CD200R1: variants seen among roughly 807,000 people sequenced by gnomAD.
The protein encoded by CD200R1 is cell surface glycoprotein CD200 receptor 1.
In CD200R1, 30 loss-of-function variants were observed where a neutral mutation model predicts 38.1. The ratio of observed to expected loss-of-function variants is 0.79; its 90% CI spans 0.59 to 1.07. The LOEUF (loss-of-function observed/expected upper bound fraction) is 1.07, where lower values mean the gene tolerates loss of function less well. CD200R1 is among the 50% of genes least tolerant of loss of function. CD200R1 has a pLI of 0.00. For synonymous variants in CD200R1, 128 were observed against 152.1 expected, an observed-to-expected ratio of 0.84 and a Z score of 1.16; for missense variants, 372 against 415.4, an observed-to-expected ratio of 0.90 and a Z score of 0.91.
chr3:112,950,210 A>C (rs1424142895), intron 1 of CD200R1, among the ~76,000 whole-genome samples: 3 of 152,094 alleles, frequency 2.0e-5, no homozygotes, highest in Non-Finnish European at 4.4e-5. Context: ...AGTGAGGAAG[A>C]AAGAAGATAA....
Position 112,931,182 on chromosome 3 carries a change from T to C in CD200R1, c.137-11A>G. On this transcript the variant is annotated splice_polypyrimidine_tract_variant and intron_variant, in intron 2 of 7. Transcript: ENST00000308611. Reference sequence around the variant, plus strand: ...ATAAACTGCTTGAAGCTAGAAAATATTTAGAGAAGAATAAATGAAATCAAT... The same window carrying C: ...ATAAACTGCTTGAAGCTAGAAAATACTTAGAGAAGAATAAATGAAATCAAT... The C allele has an allele frequency of 6.5e-7, 1 of 1,544,032 alleles. No homozygotes were observed. Among genetic ancestry groups the C allele is most frequent in the East Asian group, 2.2e-5 (1 of 44,536 alleles).
intron 1 of CD200R1, among the ~76,000 whole-genome samples, chr3:112,959,729 G>A (rs976711100): frequency 6.6e-6 from 1 of 151,944 alleles, no homozygotes. Flanking sequence ...ACTTCAATAA[G>A]TCTCAAAGTT....
At chr3:112,969,188 C>T (rs1933238960) in intron 1 of CD200R1, among the ~76,000 whole-genome samples, 1 of 151,780 alleles carries the variant, frequency 6.6e-6, no homozygotes, top group African/African-American at 2.4e-5. Context: ...AATATATTAA[C>T]TAGGGCTTTA....
At chr3:112,953,359 T>A (rs1941012736) in intron 1 of CD200R1, among the ~76,000 whole-genome samples, 1 of 152,224 alleles carries the variant, frequency 6.6e-6, no homozygotes. Flanking sequence ...CTTGCTAGCA[T>A]CTTGTTAAAG....
intron 1 of CD200R1, among the ~76,000 whole-genome samples, chr3:112,972,745 A>T (rs2107351464): frequency 6.6e-6 from 1 of 152,370 alleles, no homozygotes; most frequent in East Asian, 1.9e-4. Context: ...AAAAGAAAAT[A>T]GGGAAACCAA....
chr3:112,951,542 C>T (rs1243262355), intron 1 of CD200R1, among the ~76,000 whole-genome samples: 1 of 151,686 alleles, frequency 6.6e-6, no homozygotes, highest in African/African-American at 2.4e-5. Flanking sequence ...TTAAAAAACA[C>T]ATTATGAAAT....
chr3:112,948,651 G>A (rs922490373), intron 1 of CD200R1, among the ~76,000 whole-genome samples: 1 of 152,168 alleles, frequency 6.6e-6, no homozygotes, highest in Non-Finnish European at 1.5e-5. Flanking sequence ...CCTGCTGTGC[G>A]GCCCAATCCC....
At chr3:112,961,054 A>C (rs957089382) in intron 1 of CD200R1, among the ~76,000 whole-genome samples, 1 of 151,842 alleles carries the variant, frequency 6.6e-6, no homozygotes, top group Non-Finnish European at 1.5e-5. Context: ...GATGTTCAGC[A>C]AAAAAAAGAA....
intron 1 of CD200R1, among the ~76,000 whole-genome samples, chr3:112,964,749 G>A (rs988308716): frequency 4.6e-5 from 7 of 152,186 alleles, no homozygotes; most frequent in Non-Finnish European, 8.8e-5. Flanking sequence ...TGTTGGGAAG[G>A]GATGATTGGT....
At chr3:112,939,993 A>T (rs1469449278) in intron 2 of CD200R1, among the ~76,000 whole-genome samples, 4 of 152,174 alleles carry the variant, frequency 2.6e-5, no homozygotes, top group Middle Eastern at 3.4e-3. Flanking sequence ...ATGGAACAGC[A>T]TAGAGAACCC....
At chr3:112,931,584 T>G (rs7622814) in intron 2 of CD200R1, among the ~76,000 whole-genome samples, 89,390 of 151,968 alleles carry the variant, frequency 0.59, 26,697 homozygotes, top group African/African-American at 0.7. Context: ...TCACCCAGGT[T>G]AATACAGCAG....
At chr3:112,950,023 T>C (rs764055645) in intron 1 of CD200R1, among the ~76,000 whole-genome samples, 2 of 152,176 alleles carry the variant, frequency 1.3e-5, no homozygotes, top group Non-Finnish European at 2.9e-5. Context: ...AAATATCTCT[T>C]AGTCATATGA....
chr3:112,928,831 T>G lies in CD200R1; in HGVS notation c.754A>C (p.Ile252Leu). 6.2e-7 allele frequency: 1 copy of G among 1,612,572 alleles called. No homozygotes were observed. The highest frequency in any genetic ancestry group is 8.5e-7 in the Non-Finnish European group (1 of 1,179,126). Residue 252 changes from isoleucine to leucine, a missense_variant, in exon 5 of 8, where the codon ATA (isoleucine) becomes CTA (leucine). By Grantham distance (5) the Ile-to-Leu change is conservative (BLOSUM62 2). Coordinates refer to ENST00000308611, the MANE Select transcript of CD200R1 (RefSeq NM_138806.4). The stretch of plus-strand genomic sequence containing the variant: ...AATTACTGACCAGGAAGTAGCTCTA[T>G]GTACAGACTCTTGTTGCCAGTCAAA... Reference protein sequence around the residue: ...SHLTGNKSLYIELLPVPGAKK... With the variant: ...SHLTGNKSLYLELLPVPGAKK...
chr3:112,942,457 G>C (rs918462542), intron 2 of CD200R1, among the ~76,000 whole-genome samples: 4 of 151,540 alleles, frequency 2.6e-5, no homozygotes, highest in African/African-American at 9.7e-5. Context: ...AGTAAAAATA[G>C]AAATATAACT....
At position 112,925,069 on chromosome 3, in the gene CD200R1, A is replaced by G. The variant is rs1252126158; in HGVS notation, c.878+16T>C. 1 of 1,437,404 alleles carries G rather than the reference A, an allele frequency of 7.0e-7. No individual in the cohort carries two copies. Among genetic ancestry groups the G allele is most frequent in the Non-Finnish European group, 9.8e-7 (1 of 1,021,440 alleles). The allele number at this position is 1,437,404 out of a possible 1,614,324, so 89.0% of individuals were successfully genotyped here. ...TAATAAAGCTGAAGAAGAAAAAAAC[A>G]TTCATTAGTCAATACCTGCAGCCAT... is the stretch of plus-strand genomic sequence containing the variant. On this transcript the variant is annotated intron_variant, in intron 6 of 7. Transcript: ENST00000308611.
rs201520568 is a variant in CD200R1, at chr3:112,929,171, A to G, written c.520+19T>C. The G allele has an allele frequency of 1.8e-3, 2,951 of 1,614,038 alleles. 68 individuals are homozygous for G. In the South Asian group the frequency reaches 0.03, roughly 16 times the overall value. ...CAAATCTGGTGATGTGAAATACCTC[A>G]ATATATGATGCTCCTTACCTAACAC... On this transcript the variant is annotated intron_variant, in intron 4 of 7. Coordinates refer to ENST00000308611, the MANE Select transcript of CD200R1 (RefSeq NM_138806.4).
chr3:112,940,894 A>G, intron 2 of CD200R1, among the ~76,000 whole-genome samples: 1 of 151,824 alleles, frequency 6.6e-6, no homozygotes, highest in Non-Finnish European at 1.5e-5. Context: ...CCAAGACAGG[A>G]AATCAACCCA....
chr3:112,972,858 G>A (rs747648535), intron 1 of CD200R1, among the ~76,000 whole-genome samples: 12 of 152,154 alleles, frequency 7.9e-5, no homozygotes, highest in Non-Finnish European at 1.6e-4. Context: ...TAATAACATA[G>A]CAGTTTTAGC....
intron 2 of CD200R1, among the ~76,000 whole-genome samples, chr3:112,932,698 C>T (rs1486028610): frequency 2.0e-5 from 3 of 152,080 alleles, no homozygotes; most frequent in Non-Finnish European, 4.4e-5. Context: ...CCAGAGGACA[C>T]ATCCCCAGAC....
Sources: allele counts gnomAD v4.1 joint callset (sites outside exome capture counted in the v4.1 genomes callset), GRCh38; gene constraint gnomAD v4.1.1; transcripts MANE v1.5; gene names NCBI Gene and HGNC (gene_info 2026-07-23, HGNC 2026-07-21).